ZGRF1: variants seen among roughly 807,000 people sequenced by gnomAD.
The protein encoded by ZGRF1 is zinc finger GRF-type containing 1.
ZGRF1 carries 196 observed loss-of-function variants against 203.5 expected under a neutral mutation model. That is an observed-to-expected ratio of 0.96 (90% CI 0.86 to 1.08). The LOEUF (loss-of-function observed/expected upper bound fraction) is 1.08. ZGRF1 is among the 50% of genes least tolerant of loss of function. ZGRF1 has a pLI of 0.00. For synonymous variants in ZGRF1, 809 were observed against 841.3 expected, an observed-to-expected ratio of 0.96 and a Z score of 0.66; for missense variants, 2,326 against 2,416.3, an observed-to-expected ratio of 0.96 and a Z score of 0.78.
intron 3 of ZGRF1, among the ~76,000 whole-genome samples, chr4:112,629,348 G>A (rs1194297934): frequency 6.6e-6 from 1 of 152,188 alleles, no homozygotes; most frequent in Non-Finnish European, 1.5e-5. Flanking sequence ...TTTAGTTATT[G>A]GCCAATCTGA....
chr4:112,547,838 C>G (rs1739115574), intron 23 of ZGRF1, among the ~76,000 whole-genome samples: 1 of 152,110 alleles, frequency 6.6e-6, no homozygotes, highest in Non-Finnish European at 1.5e-5. Context: ...GGGGAAAAAT[C>G]AAAGTTTTAT....
intron 10 of ZGRF1, among the ~76,000 whole-genome samples, chr4:112,592,642 T>A (rs1748373024): frequency 6.6e-6 from 1 of 152,216 alleles, no homozygotes; most frequent in African/African-American, 2.4e-5. Flanking sequence ...CTTTAAACTT[T>A]TCTTTGTGCA....
At chr4:112,561,111 T>C (rs1208958081) in intron 18 of ZGRF1, 116 bp from the exon 19 acceptor site, 4 of 800,792 alleles carry the variant, frequency 5.0e-6, no homozygotes, top group South Asian at 1.7e-5. Flanking sequence ...CAGTTTTTTA[T>C]GGAAATAAAC....
chr4:112,593,732 G>A (rs905839216), intron 10 of ZGRF1, among the ~76,000 whole-genome samples: 12 of 152,058 alleles, frequency 7.9e-5, no homozygotes, highest in Non-Finnish European at 1.2e-4. Context: ...CCTCACTGTT[G>A]CCAATGCTGG....
chr4:112,617,771 A>G lies in ZGRF1; in HGVS notation c.2271T>C (p.Asn757=). The G allele has an allele frequency of 3.1e-6, 5 of 1,614,064 alleles. No homozygotes were observed. Among genetic ancestry groups the G allele is most frequent in the Non-Finnish European group, 4.2e-6 (5 of 1,179,956 alleles). ...AAAACAAAGAATTGGAAATGTGGGT[A>G]TTTGATTTATCAAGTGCAATACATT... ...HYECIALDKS[N]THISNSLFYP... Residue 757 remains asparagine (N), a synonymous_variant, in exon 6 of 28, where the codon AAT becomes AAC. Coordinates refer to ENST00000505019, the MANE Select transcript of ZGRF1 (RefSeq NM_018392.5).
chr4:112,601,946 T>G (rs1750050624), intron 10 of ZGRF1, among the ~76,000 whole-genome samples: 1 of 152,184 alleles, frequency 6.6e-6, no homozygotes, highest in Non-Finnish European at 1.5e-5. Flanking sequence ...GGCTCACGCC[T>G]GTAATCCCAG....
chr4:112,602,517 T>A, intron 10 of ZGRF1, among the ~76,000 whole-genome samples: 1 of 152,216 alleles, frequency 6.6e-6, no homozygotes, highest in East Asian at 1.9e-4. Context: ...AGTGACTCAA[T>A]GATGCTACTC....
intron 16 of ZGRF1, among the ~76,000 whole-genome samples, chr4:112,576,431 T>C (rs1404165972): frequency 6.6e-6 from 1 of 152,186 alleles, no homozygotes; most frequent in African/African-American, 2.4e-5. Flanking sequence ...GGACAGAGAA[T>C]GACTTTGACA....
In ZGRF1 at chr4:112,635,520, G is replaced by A. The variant is rs988341338; in HGVS notation, c.-67+1331C>T. On this transcript the variant is annotated intron_variant, in intron 1 of 27. Transcript: ENST00000505019. Reference sequence around the variant, plus strand: ...GCTCGCTGTGGCCTCAAACTCCTGGGCTCAAGCAATCCTTCCAGCCTCCCA... The same window carrying A: ...GCTCGCTGTGGCCTCAAACTCCTGGACTCAAGCAATCCTTCCAGCCTCCCA... 3.3e-5 allele frequency among the ~76,000 whole-genome samples: 5 copies of A among 151,634 alleles called. No homozygotes were observed. In the East Asian group the frequency reaches 5.8e-4, roughly 18 times the overall value.
chr4:112,565,500 A>G, intron 16 of ZGRF1: 1 of 629,354 alleles, frequency 1.6e-6, no homozygotes, highest in Admixed American at 2.9e-5. Context: ...TTTTTTTTCC[A>G]TGGGGTCAAA....
Position 112,624,518 on chromosome 4 carries a change from G to T in ZGRF1, c.103-642C>A, listed in dbSNP as rs953338660. 3.6e-4 allele frequency among the ~76,000 whole-genome samples: 54 copies of T among 151,880 alleles called. 1 individual carries two copies. The highest frequency in any genetic ancestry group is 2.9e-4 in the Non-Finnish European group (20 of 67,992). On this transcript the variant is annotated intron_variant, in intron 3 of 27. Transcript: ENST00000505019. ...GAAACACATTAAAGGGGACAAACAG[G>T]AGACAAGATCATTTTAAGAGATTAT...
intron 3 of ZGRF1, among the ~76,000 whole-genome samples, chr4:112,627,903 A>C (rs1485578402): frequency 2.0e-5 from 3 of 152,166 alleles, no homozygotes. Context: ...CCTTCATTTC[A>C]GCTATATTTA....
At chr4:112,559,026 T>C (rs886819391) in intron 19 of ZGRF1, among the ~76,000 whole-genome samples, 8 of 152,240 alleles carry the variant, frequency 5.3e-5, no homozygotes, top group African/African-American at 1.9e-4. Flanking sequence ...AGCATGTCGC[T>C]GTTAAAATAA....
intron 16 of ZGRF1, among the ~76,000 whole-genome samples, chr4:112,575,028 GA>G (rs1307313226): frequency 3.9e-4 from 48 of 122,256 alleles, no homozygotes; most frequent in African/African-American, 8.5e-4. Flanking sequence ...TCTGTCTCAG[GA>G]AAAAAAAAAA....
chr4:112,621,856 A>G (rs1355374462), intron 4 of ZGRF1, among the ~76,000 whole-genome samples: 2 of 150,982 alleles, frequency 1.3e-5, no homozygotes, highest in Non-Finnish European at 3.0e-5. Context: ...CCTCCCAAGC[A>G]GCTGGGATTG....
chr4:112,561,611 A>G (rs1170830055), intron 18 of ZGRF1: 1 of 152,432 alleles, frequency 6.6e-6, no homozygotes, highest in African/African-American at 2.4e-5. Context: ...ATCAATTTTA[A>G]TGCATTTAAT....
intron 6 of ZGRF1, among the ~76,000 whole-genome samples, 197 bp from the exon 7 acceptor site, chr4:112,612,785 A>T (rs1453477307): frequency 6.6e-6 from 1 of 152,208 alleles, no homozygotes; most frequent in Non-Finnish European, 1.5e-5. Context: ...TTTTTATGAT[A>T]AAAATTTTAA....
intron 10 of ZGRF1, among the ~76,000 whole-genome samples, chr4:112,600,374 GA>G (rs1430591921): frequency 1.3e-5 from 2 of 152,002 alleles, no homozygotes; most frequent in Non-Finnish European, 2.9e-5. Context: ...AATCGTAAAG[GA>G]AACAGCAAAT....
In ZGRF1 at chr4:112,617,997, G is replaced by A. The variant is rs557605388; in HGVS notation, c.2045C>T (p.Ser682Phe). Residue 682 changes from serine to phenylalanine, a missense_variant, in exon 6 of 28, where the codon TCT becomes TTT. Physicochemically the swap from Ser to Phe is radical, Grantham distance 155 (BLOSUM62 -2). Transcript: ENST00000505019. ...NYDFALPPNK[S>F]KGINMNLHIP... ...ATGTAAATTCATGTTTATACCTTTA[G>A]ATTTATTCGGGGGTAAAGCAAAATC... 5.1e-5 allele frequency: 82 copies of A among 1,612,524 alleles called. No individual in the cohort carries two copies. In the South Asian group the frequency reaches 8.0e-4, roughly 16 times the overall value.
Sources: gnomAD v4.1 joint callset for allele counts (sites outside exome capture counted in the v4.1 genomes callset) on GRCh38, gnomAD v4.1.1 for gene constraint, MANE v1.5 for transcripts, NCBI Gene and HGNC (gene_info 2026-07-23, HGNC 2026-07-21) for gene names.